Variants in INO80 observed in about 807,000 individuals in gnomAD.
INO80 encodes the protein chromatin-remodeling ATPase INO80.
Under a neutral mutation model 203.4 loss-of-function variants are expected in INO80, and 20 were observed. The ratio of observed to expected loss-of-function variants is 0.10; its 90% CI spans 0.07 to 0.14. The LOEUF (loss-of-function observed/expected upper bound fraction) is 0.14. Ranked by LOEUF, INO80 falls within the 10% of genes least tolerant of loss-of-function variation. The pLI is 1.00. For missense variants in INO80, 1,419 were observed against 1,914.4 expected, an observed-to-expected ratio of 0.74 and a Z score of 4.83; for synonymous variants, 726 against 685.2, an observed-to-expected ratio of 1.06 and a Z score of -0.93.
At chr15:41,089,059 A>G (rs516156) in intron 5 of INO80, among the ~76,000 whole-genome samples, 83,179 of 151,990 alleles carry the variant, frequency 0.55, 24,469 homozygotes, top group African/African-American at 0.77. Context: ...GCATGGTGGC[A>G]GGCTTCTGTA....
intron 35 of INO80, among the ~76,000 whole-genome samples, chr15:40,980,941 G>A (rs1893804991): frequency 6.6e-6 from 1 of 152,060 alleles, no homozygotes; most frequent in Admixed American, 6.6e-5. Context: ...TTCTCCTTGC[G>A]CTGGCAATGG....
intron 28 of INO80, among the ~76,000 whole-genome samples, chr15:40,998,473 A>G (rs545295721): frequency 4.3e-4 from 65 of 152,256 alleles, no homozygotes; most frequent in African/African-American, 1.4e-3. Flanking sequence ...GAATGTCAAC[A>G]TACCCCTTAC....
chr15:40,994,028 T>G (rs949348410), intron 29 of INO80, among the ~76,000 whole-genome samples: 1 of 152,206 alleles, frequency 6.6e-6, no homozygotes, highest in African/African-American at 2.4e-5. Context: ...GTCCTTACCA[T>G]GGCTACTAAC....
At chr15:41,095,983 A>G (rs2045717770) in intron 2 of INO80, 55 bp from the exon 3 acceptor site, 1 of 1,544,848 alleles carries the variant, frequency 6.5e-7, no homozygotes, top group Non-Finnish European at 8.8e-7. Context: ...AATATAATTT[A>G]AAGTTAGAAC....
chr15:40,997,777 C>A, intron 28 of INO80, 176 bp from the exon 29 acceptor site: 1 of 493,868 alleles, frequency 2.0e-6, no homozygotes. Flanking sequence ...TCTGTTGTTA[C>A]AACCAAACAT....
intron 28 of INO80, among the ~76,000 whole-genome samples, chr15:40,999,920 G>C (rs147793920): frequency 6.6e-6 from 1 of 152,032 alleles, no homozygotes; most frequent in Admixed American, 6.6e-5. Flanking sequence ...GAAAGACCCT[G>C]CATCTACATA....
At chr15:41,111,619 A>C (rs1047636280) in intron 1 of INO80, among the ~76,000 whole-genome samples, 2 of 151,816 alleles carry the variant, frequency 1.3e-5, no homozygotes, top group Non-Finnish European at 2.9e-5. Context: ...CCTAGCTAAC[A>C]TGGTGAAATC....
chr15:41,069,752 G>T, intron 13 of INO80, 87 bp from the exon 14 acceptor site: 1 of 726,328 alleles, frequency 1.4e-6, no homozygotes, highest in South Asian at 1.8e-5. Context: ...AACAATCTAA[G>T]AATAGGAAAC....
intron 14 of INO80, 128 bp from the exon 15 acceptor site, chr15:41,060,054 T>C (rs2045074478): frequency 1.6e-6 from 1 of 624,000 alleles, no homozygotes; most frequent in Non-Finnish European, 2.7e-6. Flanking sequence ...CTCCTGCCAA[T>C]GGTGGAATAA....
chr15:41,003,475 G>A (rs564210783), intron 28 of INO80, among the ~76,000 whole-genome samples: 3 of 150,978 alleles, frequency 2.0e-5, no homozygotes, highest in East Asian at 4.0e-4. Context: ...GATTACAGGC[G>A]CCCACCACCA....
Position 41,082,530 on chromosome 15 carries a change from G to A in INO80, c.874-1457C>T, listed in dbSNP as rs180985248. Reference sequence around the variant, plus strand: ...AGCCTGGTCAACATGGTGAATCCCCGTCTCTACTAAAAATACAAAAATTAG... The same window carrying A: ...AGCCTGGTCAACATGGTGAATCCCCATCTCTACTAAAAATACAAAAATTAG... On this transcript the variant is annotated intron_variant, in intron 7 of 35. Coordinates refer to ENST00000648947, the MANE Select transcript of INO80 (RefSeq NM_017553.3). Among the ~76,000 whole-genome samples, 412 of 152,034 alleles carry A rather than the reference G, an allele frequency of 2.7e-3. 3 individuals carry two copies. Among genetic ancestry groups the A allele is most frequent in the South Asian group, 0.013 (62 of 4,814 alleles).
chr15:41,051,740 G>C (rs1285872178), intron 19 of INO80, among the ~76,000 whole-genome samples: 1 of 152,090 alleles, frequency 6.6e-6, no homozygotes, highest in African/African-American at 2.4e-5. Context: ...GGATCACGAA[G>C]TCAAGAGATC....
chr15:41,089,715 C>T (rs551565065), intron 5 of INO80, among the ~76,000 whole-genome samples: 22 of 151,576 alleles, frequency 1.5e-4, no homozygotes, highest in African/African-American at 5.3e-4. Flanking sequence ...TGCACTCGAG[C>T]CTGGGCAACA....
At position 41,095,655 on chromosome 15, in the gene INO80, A is replaced by T. The variant is rs1187593451; in HGVS notation, c.327T>A (p.Asp109Glu). 1.9e-6 allele frequency: 3 copies of T among 1,610,546 alleles called. No individual in the cohort carries two copies. The African/African-American group carries it at 4.0e-5, about 22-fold the overall frequency. Reference protein sequence around the residue: ...NGVLQSESKCDKGNLYNFSKL... With the variant: ...NGVLQSESKCEKGNLYNFSKL... ...TAGAGAAATTATATAAATTCCCCTT[A>T]TCACATTTTGATTCTGTATAAAGAA... The change falls in exon 4 of 36, where the codon GAT becomes GAA. Residue 109 changes from aspartate to glutamate, a missense_variant. Coordinates refer to ENST00000648947, the MANE Select transcript of INO80 (RefSeq NM_017553.3).
At position 41,085,602 on chromosome 15, in the gene INO80, C is replaced by G; in HGVS notation, c.659-19G>C. ...AACTTAGCTGCAAAAGAAACAGATG[C>G]AACAGGTTGCACTTCCACAGGAGAT... On this transcript the variant is annotated intron_variant, in intron 6 of 35. Coordinates refer to ENST00000648947, the MANE Select transcript of INO80 (RefSeq NM_017553.3). 6.2e-7 allele frequency: 1 copy of G among 1,602,224 alleles called. No homozygotes were observed. Among genetic ancestry groups the G allele is most frequent in the South Asian group, 1.1e-5 (1 of 90,702 alleles).
chr15:41,020,229 A>G (rs2044270222), intron 26 of INO80, among the ~76,000 whole-genome samples: 1 of 152,190 alleles, frequency 6.6e-6, no homozygotes, highest in Non-Finnish European at 1.5e-5. Context: ...TCAAAAAAAA[A>G]AGGAATGTAG....
intron 29 of INO80, among the ~76,000 whole-genome samples, chr15:40,989,768 T>C (rs573767003): frequency 5.1e-4 from 78 of 152,328 alleles, no homozygotes; most frequent in African/African-American, 1.8e-3. Context: ...GGCCCTGCTA[T>C]AGAGAGCCAA....
At position 40,997,601 on chromosome 15, in the gene INO80, C is replaced by T; in HGVS notation, c.3498G>A (p.Arg1166=). 6.2e-7 allele frequency: 1 copy of T among 1,608,464 alleles called. No homozygotes were observed. Reference sequence around the variant, plus strand: ...TTAACAGGAACACAAAGATGTCATTCCTGCAGAAAAGGGAGAGATATGTTA... The same window carrying T: ...TTAACAGGAACACAAAGATGTCATTTCTGCAGAAAAGGGAGAGATATGTTA... The part of the protein sequence containing the change: ...RRDMVADFQN[R]NDIFVFLLST... Residue 1166 remains arginine, a splice_region_variant and synonymous_variant, in exon 29 of 36, where the codon AGG becomes AGA. Transcript: ENST00000648947.
intron 31 of INO80, among the ~76,000 whole-genome samples, chr15:40,986,513 CG>C (rs537965371): frequency 6.6e-6 from 1 of 151,984 alleles, no homozygotes; most frequent in East Asian, 1.9e-4. Flanking sequence ...TTAGTAGAGA[CG>C]GGGCTTCACC....
Sources: gnomAD v4.1 joint callset for allele counts (sites outside exome capture counted in the v4.1 genomes callset) on GRCh38, gnomAD v4.1.1 for gene constraint, MANE v1.5 for transcripts, NCBI Gene and HGNC (gene_info 2026-07-23, HGNC 2026-07-21) for gene names.